CNTNAP3: variants seen among roughly 807,000 people sequenced by gnomAD.
The protein encoded by CNTNAP3 is contactin associated protein family member 3, also known as contactin-associated protein-like 3.
A neutral mutation model predicts 92.1 loss-of-function variants in CNTNAP3; 36 were observed. The ratio of observed to expected loss-of-function variants is 0.39; its 90% CI spans 0.30 to 0.52. The LOEUF is 0.52. Ranked by LOEUF, CNTNAP3 falls within the 20% of genes least tolerant of loss-of-function variation. The probability of loss-of-function intolerance (pLI) is 0.76; values close to 1 mark genes in which losing one functional copy is unlikely to be tolerated. For synonymous variants in CNTNAP3, 232 were observed against 422.3 expected, an observed-to-expected ratio of 0.55 and a Z score of 5.53; for missense variants, 534 against 1,069.6, an observed-to-expected ratio of 0.50 and a Z score of 6.98.
intron 13 of CNTNAP3, among the ~76,000 whole-genome samples, chr9:39,131,680 G>C (rs1407959994): frequency 6.6e-6 from 1 of 152,208 alleles, no homozygotes; most frequent in Admixed American, 6.5e-5. Context: ...ACAAAAATTA[G>C]CCGGGCATGG....
intron 14 of CNTNAP3, among the ~76,000 whole-genome samples, chr9:39,117,590 T>G (rs570565888): frequency 1.3e-5 from 2 of 152,306 alleles, no homozygotes; most frequent in South Asian, 4.1e-4. Flanking sequence ...CTTGAAGCTT[T>G]GCTATTGCAC....
At chr9:39,152,042 G>T (rs113173181) in intron 9 of CNTNAP3, among the ~76,000 whole-genome samples, 2 of 142,428 alleles carry the variant, frequency 1.4e-5, no homozygotes, top group African/African-American at 5.1e-5. Context: ...ATGAAGTATA[G>T]AATTTGTACT....
intron 19 of CNTNAP3, 71 bp from the exon 20 acceptor site, chr9:39,086,920 G>C: frequency 4.9e-6 from 4 of 821,708 alleles, no homozygotes; most frequent in Non-Finnish European, 7.6e-6. Context: ...AGATTCTAGA[G>C]CACTTTTATT....
chr9:39,099,304 C>T (rs1329830682), intron 18 of CNTNAP3, among the ~76,000 whole-genome samples: 1 of 152,150 alleles, frequency 6.6e-6, no homozygotes, highest in African/African-American at 2.4e-5. Context: ...TGTGATACCC[C>T]ACTGCACTCC....
chr9:39,081,675 A>G (rs192517571), intron 21 of CNTNAP3, among the ~76,000 whole-genome samples: 1 of 152,090 alleles, frequency 6.6e-6, no homozygotes, highest in African/African-American at 2.4e-5. Flanking sequence ...ACAGATGTCT[A>G]TCCTTACAAA....
Position 39,140,610 on chromosome 9 carries a change from G to C in CNTNAP3, c.1785C>G (p.His595Gln). ...SSLYEQSCEA[H>Q]KHRGNPSGLY... ...GCCCAGACGGGTTCCCTCGGTGCTT[G>C]TGGGCTTCACAAGACTGCTCGTAGA... Residue 595 changes from histidine to glutamine, a missense_variant, in exon 12 of 24, where the codon CAC becomes CAG. Physicochemically the swap from His to Gln is conservative, Grantham distance 24 (BLOSUM62 0). Transcript: ENST00000297668. 1.2e-6 allele frequency: 2 copies of C among 1,613,178 alleles called. No homozygotes were observed. The highest frequency in any genetic ancestry group is 1.7e-6 in the Non-Finnish European group (2 of 1,179,598).
chr9:39,134,162 A>G (rs1217795309), intron 12 of CNTNAP3, among the ~76,000 whole-genome samples: 1 of 151,438 alleles, frequency 6.6e-6, no homozygotes, highest in Non-Finnish European at 1.5e-5. Context: ...AGATCAGAGG[A>G]AAGAAGGAAA....
At position 39,078,371 on chromosome 9, in the gene CNTNAP3, C is replaced by G; in HGVS notation, c.3745+14G>C. 6.2e-7 allele frequency: 1 copy of G among 1,612,112 alleles called. No individual in the cohort carries two copies. The highest frequency in any genetic ancestry group is 2.2e-5 in the East Asian group (1 of 44,890). On this transcript the variant is annotated intron_variant, in intron 23 of 23. Transcript: ENST00000297668. The stretch of plus-strand genomic sequence containing the variant: ...CGATAATGACAAGCACCAGGTCATT[C>G]AGGGCCTTGTTACCTCCGATGACAG...
intron 17 of CNTNAP3, 102 bp downstream of exon 17, chr9:39,102,395 T>A: frequency 6.5e-7 from 1 of 1,546,982 alleles, no homozygotes. Flanking sequence ...TAAGCAGTAG[T>A]TGTTGTTGGC....
At chr9:39,090,349 C>T (rs1826164331) in intron 18 of CNTNAP3, among the ~76,000 whole-genome samples, 1 of 152,074 alleles carries the variant, frequency 6.6e-6, no homozygotes, top group African/African-American at 2.4e-5. Context: ...TTTTGTTCTC[C>T]CATGTTTTAA....
At chr9:39,103,650 C>A in intron 16 of CNTNAP3, 94 bp downstream of exon 16, 2 of 1,357,890 alleles carry the variant, frequency 1.5e-6, no homozygotes, top group South Asian at 1.5e-5. Context: ...AATAGAATCA[C>A]AAAATAAGAA....
chr9:39,140,206 T>C (rs1222162011), intron 12 of CNTNAP3: 1 of 189,790 alleles, frequency 5.3e-6, no homozygotes, highest in African/African-American at 2.3e-5. Flanking sequence ...CTCTGTTTTT[T>C]CTAAATACAG....
chr9:39,087,698 G>A (rs1248181851), intron 19 of CNTNAP3, among the ~76,000 whole-genome samples: 1 of 152,148 alleles, frequency 6.6e-6, no homozygotes, highest in East Asian at 1.9e-4. Context: ...GTGTTAGCCA[G>A]GATGGTCTCG....
At chr9:39,105,235 G>A (rs1432991662) in intron 15 of CNTNAP3, among the ~76,000 whole-genome samples, 5 of 152,116 alleles carry the variant, frequency 3.3e-5, no homozygotes, top group Non-Finnish European at 5.9e-5. Context: ...AGACCATCCT[G>A]GCTAACATGG....
At position 39,093,261 on chromosome 9, in the gene CNTNAP3, T is replaced by C. The variant is rs535348838; in HGVS notation, c.2996-4614A>G. On this transcript the variant is annotated intron_variant, in intron 18 of 23. Transcript: ENST00000297668. ...CTGCCATTTTCTTTTTCTTTTTCTA[T>C]GTGTTTCATTTGTTTTCTTTTCACT... Among the ~76,000 whole-genome samples, 237 of 142,204 alleles carry C rather than the reference T, an allele frequency of 1.7e-3. 2 individuals carry two copies. Among genetic ancestry groups the C allele is most frequent in the African/African-American group, 5.9e-3 (230 of 38,746 alleles). 93.3% of individuals were successfully genotyped at this position (142,204 alleles called of 152,430 possible).
In CNTNAP3 at chr9:39,070,750, A is replaced by C. The variant is rs1293998466; in HGVS notation, c.*3140T>G. ...ATTCTCCATGATGTGCTTATTTCAC[A>C]GTGCATGCCTGTATCAAAACATTTC... On this transcript the variant is annotated 3_prime_UTR_variant, in exon 24 of 24. Coordinates refer to ENST00000297668, the MANE Select transcript of CNTNAP3 (RefSeq NM_033655.5). Among the ~76,000 whole-genome samples the C allele has an allele frequency of 6.6e-6, 1 of 152,290 alleles. No homozygotes were observed. The highest frequency in any genetic ancestry group is 2.1e-4 in the South Asian group (1 of 4,838).
chr9:39,095,521 T>C lies in CNTNAP3; in HGVS notation c.2995+4390A>G, dbSNP rs554493504. Among the ~76,000 whole-genome samples the C allele has an allele frequency of 2.7e-5, 4 of 146,372 alleles. No individual in the cohort carries two copies. The South Asian group carries it at 8.9e-4, about 33-fold the overall frequency. On this transcript the variant is annotated intron_variant, in intron 18 of 23. Transcript: ENST00000297668. ...CTAGTTTATTGAGTGTTTTTGTTTT[T>C]CAATCATGAAAGGTTACTGGAGTTT...
chr9:39,097,028 A>G (rs1210529137), intron 18 of CNTNAP3, among the ~76,000 whole-genome samples: 2 of 151,656 alleles, frequency 1.3e-5, no homozygotes, highest in Non-Finnish European at 2.9e-5. Context: ...GTTATGTCTG[A>G]TATTTCTCTG....
At chr9:39,225,424 ATGTTT>A (rs1292144897) in intron 3 of CNTNAP3, among the ~76,000 whole-genome samples, 1 of 1,208 alleles carries the variant, frequency 8.3e-4, no homozygotes, top group African/African-American at 1.1e-3. Context: ...AGTTTTTGTT[ATGTTT>A]TGTTTTTTTC....
Sources: gnomAD v4.1 joint callset for allele counts (sites outside exome capture counted in the v4.1 genomes callset) on GRCh38, gnomAD v4.1.1 for gene constraint, MANE v1.5 for transcripts, NCBI Gene and HGNC (gene_info 2026-07-23, HGNC 2026-07-21) for gene names.